Variants in ASTN2 observed in about 807,000 individuals in gnomAD.
ASTN2 encodes the protein astrotactin-2.
Under a neutral mutation model 139.8 loss-of-function variants are expected in ASTN2, and 54 were observed. That is an observed-to-expected ratio of 0.39 (90% CI 0.31 to 0.48). ASTN2 has a LOEUF of 0.48. Ranked by LOEUF, ASTN2 falls within the 20% of genes least tolerant of loss-of-function variation. The probability of loss-of-function intolerance (pLI) is 0.95; values close to 1 mark genes in which losing one functional copy is unlikely to be tolerated. For missense variants in ASTN2, 1,565 were observed against 1,725.1 expected (o/e 0.91, Z 1.64); for synonymous variants, 756 against 719.5 (o/e 1.05, Z -0.81).
chr9:116,760,182 CA>C (rs1379124924), intron 13 of ASTN2, among the ~76,000 whole-genome samples: 3 of 152,224 alleles, frequency 2.0e-5, no homozygotes, highest in Non-Finnish European at 4.4e-5. Context: ...AGGTGACTGC[CA>C]AAACTTCCCT....
At chr9:117,064,405 G>A (rs1485012824) in intron 5 of ASTN2, among the ~76,000 whole-genome samples, 2 of 152,128 alleles carry the variant, frequency 1.3e-5, no homozygotes, top group African/African-American at 4.8e-5. Context: ...GATCCCTGTT[G>A]TATCAAATGG....
At chr9:116,654,594 A>C (rs1356999839) in intron 16 of ASTN2, among the ~76,000 whole-genome samples, 1 of 152,226 alleles carries the variant, frequency 6.6e-6, no homozygotes, top group Non-Finnish European at 1.5e-5. Flanking sequence ...ATGCTGATCT[A>C]GTACAAATCT....
intron 3 of ASTN2, among the ~76,000 whole-genome samples, chr9:117,187,865 G>A (rs1831242593): frequency 3.3e-5 from 5 of 152,212 alleles, no homozygotes; most frequent in Admixed American, 3.3e-4. Flanking sequence ...CATCTGTGTA[G>A]TATGTTACAG....
chr9:117,123,133 G>A (rs1829600336), intron 4 of ASTN2, among the ~76,000 whole-genome samples: 2 of 152,152 alleles, frequency 1.3e-5, no homozygotes, highest in Admixed American at 6.6e-5. Context: ...AGATCATCAG[G>A]CTCCACCCTA....
intron 11 of ASTN2, among the ~76,000 whole-genome samples, chr9:116,834,428 T>C (rs1378729871): frequency 6.6e-6 from 1 of 152,224 alleles, no homozygotes; most frequent in Non-Finnish European, 1.5e-5. Context: ...TGTCTATTTT[T>C]TCTTTCAGTT....
At chr9:117,349,002 T>C (rs1829308813) in intron 1 of ASTN2, among the ~76,000 whole-genome samples, 2 of 152,070 alleles carry the variant, frequency 1.3e-5, no homozygotes. Flanking sequence ...ACAATTGAGT[T>C]GTCTTTTTAT....
At chr9:117,103,090 C>T (rs928704929) in intron 4 of ASTN2, among the ~76,000 whole-genome samples, 1 of 152,110 alleles carries the variant, frequency 6.6e-6, no homozygotes, top group Non-Finnish European at 1.5e-5. Context: ...TCCTAGACCA[C>T]ATGTTCACCT....
At chr9:117,006,940 C>T (rs10817973) in intron 7 of ASTN2, among the ~76,000 whole-genome samples, 14 of 151,830 alleles carry the variant, frequency 9.2e-5, no homozygotes, top group African/African-American at 2.9e-4. Context: ...CATGGTGAAA[C>T]CCCCCATCTC....
chr9:116,488,344 T>C (rs1564312908), intron 19 of ASTN2, among the ~76,000 whole-genome samples: 1 of 152,214 alleles, frequency 6.6e-6, no homozygotes, highest in Non-Finnish European at 1.5e-5. Context: ...ATTTGCTGTA[T>C]AGTCTTGGGC....
At chr9:116,446,134 G>GT (rs1847980625) in intron 20 of ASTN2, among the ~76,000 whole-genome samples, 1 of 151,712 alleles carries the variant, frequency 6.6e-6, no homozygotes, top group East Asian at 1.9e-4. Context: ...TGAGAAGTTG[G>GT]GGGGGGACAG....
intron 22 of ASTN2, among the ~76,000 whole-genome samples, chr9:116,433,439 A>G (rs1217864162): frequency 6.6e-6 from 1 of 152,192 alleles, no homozygotes; most frequent in African/African-American, 2.4e-5. Flanking sequence ...GCATATCCAT[A>G]TCTGTATACA....
At chr9:116,912,512 A>G (rs1351624917) in intron 10 of ASTN2, among the ~76,000 whole-genome samples, 1 of 152,216 alleles carries the variant, frequency 6.6e-6, no homozygotes, top group East Asian at 1.9e-4. Context: ...AGGTAGTTGA[A>G]TTTTAAATAA....
At chr9:116,718,991 T>TATATAC (rs55775514) in intron 16 of ASTN2, among the ~76,000 whole-genome samples, 1 of 145,452 alleles carries the variant, frequency 6.9e-6, no homozygotes, top group Non-Finnish European at 1.5e-5. Flanking sequence ...TATATATATA[T>TATATAC]CTGCCTATAA....
At chr9:116,437,740 G>A (rs932472670) in intron 22 of ASTN2, 1 of 372,830 alleles carries the variant, frequency 2.7e-6, no homozygotes, top group Non-Finnish European at 5.3e-6. Context: ...CTTTCATCTG[G>A]GGCTCTTCAC....
intron 20 of ASTN2, among the ~76,000 whole-genome samples, chr9:116,452,459 G>A (rs1367725293): frequency 1.3e-5 from 2 of 152,160 alleles, no homozygotes; most frequent in Admixed American, 6.6e-5. Context: ...CCATGGTGAC[G>A]GTGTGAGGAC....
chr9:116,543,315 C>T (rs1851955082), intron 19 of ASTN2, among the ~76,000 whole-genome samples: 7 of 151,362 alleles, frequency 4.6e-5, no homozygotes. Context: ...CGTGTGACTG[C>T]CGTCCCAGCT....
At chr9:117,156,573 C>A (rs1830437544) in intron 3 of ASTN2, among the ~76,000 whole-genome samples, 1 of 151,966 alleles carries the variant, frequency 6.6e-6, no homozygotes, top group Non-Finnish European at 1.5e-5. Context: ...GGTTGTGAAC[C>A]AATGGACTAA....
At chr9:116,594,030 GC>G (rs536722140) in intron 19 of ASTN2, among the ~76,000 whole-genome samples, 8 of 152,132 alleles carry the variant, frequency 5.3e-5, no homozygotes, top group African/African-American at 1.4e-4. Flanking sequence ...TGCACTTCCT[GC>G]CCCAAGGCCT....
At chr9:116,487,722 T>C (rs756565098) in intron 19 of ASTN2, among the ~76,000 whole-genome samples, 2 of 152,220 alleles carry the variant, frequency 1.3e-5, no homozygotes, top group African/African-American at 4.8e-5. Flanking sequence ...GAAACACTAA[T>C]ACCTACCTTT....
Sources: gnomAD v4.1 joint callset for allele counts (sites outside exome capture counted in the v4.1 genomes callset) on GRCh38, gnomAD v4.1.1 for gene constraint, MANE v1.5 for transcripts, NCBI Gene and HGNC (gene_info 2026-07-23, HGNC 2026-07-21) for gene names.